AZIN1: variants seen among roughly 807,000 people sequenced by gnomAD.
The protein encoded by AZIN1 is ornithine decarboxylase antizyme inhibitor.
AZIN1 carries 12 observed loss-of-function variants against 47.4 expected under a neutral mutation model. The observed-to-expected ratio is 0.25, with a 90% CI of 0.16 to 0.41. The LOEUF (loss-of-function observed/expected upper bound fraction) is 0.41, where lower values mean the gene tolerates loss of function less well. Ranked by LOEUF, AZIN1 falls within the 10% of genes least tolerant of loss-of-function variation. The pLI is 1.00. For missense variants in AZIN1, 410 were observed against 532.4 expected (o/e 0.77, Z 2.26); for synonymous variants, 155 against 176.3 (o/e 0.88, Z 0.96).
chr8:102,846,900 T>C (rs1002336444), intron 2 of AZIN1, among the ~76,000 whole-genome samples: 3 of 152,188 alleles, frequency 2.0e-5, no homozygotes, highest in Non-Finnish European at 4.4e-5. Flanking sequence ...TTAAGACTTT[T>C]ATAGAAGCTA....
intron 11 of AZIN1, 128 bp from the exon 12 acceptor site, chr8:102,828,806 T>TA: frequency 1.6e-6 from 1 of 626,262 alleles, no homozygotes; most frequent in East Asian, 2.8e-5. Flanking sequence ...ATCATTTTTC[T>TA]ATGATAGTCA....
At chr8:102,852,174 T>C (rs1045593685) in intron 2 of AZIN1, among the ~76,000 whole-genome samples, 9 of 152,216 alleles carry the variant, frequency 5.9e-5, no homozygotes, top group Non-Finnish European at 1.0e-4. Context: ...TGAACCTACA[T>C]GAGCTAAGAA....
chr8:102,843,775 C>A, intron 2 of AZIN1, 28 bp from the exon 3 acceptor site: 1 of 1,415,740 alleles, frequency 7.1e-7, no homozygotes, highest in Non-Finnish European at 9.3e-7. Context: ...ATATAAAAGT[C>A]TGTATTATTT....
chr8:102,853,595 T>C (rs1813067944), intron 2 of AZIN1, among the ~76,000 whole-genome samples: 1 of 152,248 alleles, frequency 6.6e-6, no homozygotes, highest in Non-Finnish European at 1.5e-5. Flanking sequence ...AGAAATACCA[T>C]GTCTCTAAAA....
intron 2 of AZIN1, among the ~76,000 whole-genome samples, chr8:102,847,568 C>G (rs1462054302): frequency 1.4e-5 from 2 of 146,546 alleles, no homozygotes; most frequent in South Asian, 2.1e-4. Context: ...TCAATTTTTC[C>G]CATTTTTTTT....
At chr8:102,843,839 A>G (rs1812381707) in intron 2 of AZIN1, 92 bp from the exon 3 acceptor site, 1 of 900,556 alleles carries the variant, frequency 1.1e-6, no homozygotes, top group Admixed American at 3.9e-5. Context: ...TAATTTAGTG[A>G]GGAATTTACG....
intron 1 of AZIN1, among the ~76,000 whole-genome samples, chr8:102,859,753 T>C (rs1264558244): frequency 6.6e-6 from 1 of 152,148 alleles, no homozygotes; most frequent in African/African-American, 2.4e-5. Flanking sequence ...CAAGAATTGC[T>C]TGAACTCAAG....
At chr8:102,849,324 A>C (rs2131259047) in intron 2 of AZIN1, among the ~76,000 whole-genome samples, 1 of 152,224 alleles carries the variant, frequency 6.6e-6, no homozygotes, top group East Asian at 1.9e-4. Flanking sequence ...ACCCCCGCAC[A>C]GGGACTCTTT....
Position 102,836,155 on chromosome 8 carries a change from A to T in AZIN1, c.584+101T>A, listed in dbSNP as rs540681026. ...GTGTTAAAAGACTAGAAAAAATTGC[A>T]TCTTAGATTTCATGCAAATAAAGTC... is the stretch of plus-strand genomic sequence containing the variant. On this transcript the variant is annotated intron_variant, in intron 6 of 11. Coordinates refer to ENST00000337198, the MANE Select transcript of AZIN1 (RefSeq NM_148174.4). 6.9e-6 allele frequency: 9 copies of T among 1,309,420 alleles called. No individual in the cohort carries two copies. In the South Asian group the frequency reaches 1.0e-4, roughly 15 times the overall value. The allele number at this position is 1,309,420 out of a possible 1,614,324, so 81.1% of individuals were successfully genotyped here. A position where few individuals can be genotyped will look rare whatever the true frequency, so the allele number is the denominator to read the frequency against.
At chr8:102,829,590 G>A (rs1811307525) in intron 10 of AZIN1, 104 bp from the exon 11 acceptor site, 1 of 1,139,934 alleles carries the variant, frequency 8.8e-7, no homozygotes. Context: ...TGTGCTCATG[G>A]AAAAAAGGCC....
At chr8:102,849,008 A>G (rs987088660) in intron 2 of AZIN1, among the ~76,000 whole-genome samples, 1 of 152,114 alleles carries the variant, frequency 6.6e-6, no homozygotes, top group Non-Finnish European at 1.5e-5. Flanking sequence ...AATCTACCTC[A>G]ATCTTCAACA....
intron 10 of AZIN1, 142 bp from the exon 11 acceptor site, chr8:102,829,628 G>A: frequency 2.3e-6 from 2 of 876,662 alleles, no homozygotes; most frequent in Non-Finnish European, 3.5e-6. Flanking sequence ...TGCTACTTAA[G>A]CCTCGATGGT....
intron 7 of AZIN1, 107 bp downstream of exon 7, chr8:102,834,559 A>C: frequency 1.2e-6 from 1 of 811,044 alleles, no homozygotes; most frequent in Non-Finnish European, 2.0e-6. Context: ...GGTGTGTGTC[A>C]CGTTGAATGT....
rs1811188906 is a variant in AZIN1, at chr8:102,827,730, T to C, written c.*837A>G. 2.0e-5 allele frequency: 3 copies of C among 152,640 alleles called. No individual in the cohort carries two copies. The allele number at this position is 152,640 out of a possible 1,614,324, so 9.5% of individuals were successfully genotyped here. On this transcript the variant is annotated 3_prime_UTR_variant, in exon 12 of 12. Coordinates refer to ENST00000337198, the MANE Select transcript of AZIN1 (RefSeq NM_148174.4). Reference sequence around the variant, plus strand: ...CAGAAACACCTATTTATTATTACAGTTGATTTATGCAGGATTAACATTTTT... The same window carrying C: ...CAGAAACACCTATTTATTATTACAGCTGATTTATGCAGGATTAACATTTTT...
At chr8:102,836,469 G>C (rs1398739173) in intron 5 of AZIN1, 79 bp from the exon 6 acceptor site, 2 of 1,477,616 alleles carry the variant, frequency 1.4e-6, no homozygotes, top group East Asian at 2.3e-5. Context: ...ATTGTAGGAA[G>C]TGTGTTGATT....
At chr8:102,843,404 G>A in intron 3 of AZIN1, 147 bp downstream of exon 3, 2 of 625,788 alleles carry the variant, frequency 3.2e-6, no homozygotes, top group Non-Finnish European at 5.5e-6. Flanking sequence ...CTACTCAAGG[G>A]GAGTGGGTGT....
At chr8:102,861,140 T>C (rs1475557760) in intron 1 of AZIN1, among the ~76,000 whole-genome samples, 2 of 152,252 alleles carry the variant, frequency 1.3e-5, no homozygotes, top group East Asian at 3.8e-4. Flanking sequence ...ATGTTACTAA[T>C]AACTGGGTGG....
chr8:102,838,992 AC>A (rs1196271541), intron 4 of AZIN1, 76 bp from the exon 5 acceptor site: 3 of 1,299,338 alleles, frequency 2.3e-6, no homozygotes, highest in Non-Finnish European at 3.2e-6. Context: ...TAATACTATT[AC>A]CCCCACCCCT....
chr8:102,863,155 C>T (rs1813839071), intron 1 of AZIN1, among the ~76,000 whole-genome samples: 1 of 152,342 alleles, frequency 6.6e-6, no homozygotes, highest in African/African-American at 2.4e-5. Flanking sequence ...CTACCTGACA[C>T]CGGGGCTTCC....
Sources: gnomAD v4.1 joint callset for allele counts (sites outside exome capture counted in the v4.1 genomes callset) on GRCh38, gnomAD v4.1.1 for gene constraint, MANE v1.5 for transcripts, NCBI Gene and HGNC (gene_info 2026-07-23, HGNC 2026-07-21) for gene names.